The following MPPED1 variants were observed in gnomAD, a reference collection of about 807,000 sequenced individuals.
MPPED1 encodes the protein metallophosphoesterase domain-containing protein 1.
In MPPED1, 16 loss-of-function variants were observed where a neutral mutation model predicts 36.2. That is an observed-to-expected ratio of 0.44 (90% CI 0.30 to 0.67). MPPED1 has a LOEUF of 0.67. Among genes scored for constraint, MPPED1 ranks in the 30% least tolerant of loss-of-function variants. MPPED1 has a pLI of 0.10. For synonymous variants in MPPED1, 199 were observed against 191.3 expected (o/e 1.04, Z -0.33); for missense variants, 307 against 453.4 (o/e 0.68, Z 2.93).
At chr22:43,414,428 C>T (rs576207996) in intron 1 of MPPED1, among the ~76,000 whole-genome samples, 124 of 152,140 alleles carry the variant, frequency 8.2e-4, no homozygotes, top group Non-Finnish European at 1.6e-3. Flanking sequence ...CGGGTCTGGA[C>T]TTCTGGAAAA....
At position 43,502,876 on chromosome 22, in the gene MPPED1, T is replaced by A; in HGVS notation, c.862+119T>A. 1 of 811,980 alleles carries A rather than the reference T, an allele frequency of 1.2e-6. No individual in the cohort carries two copies. Among genetic ancestry groups the A allele is most frequent in the Non-Finnish European group, 2.1e-6 (1 of 480,014 alleles). 50.3% of individuals were successfully genotyped at this position (811,980 alleles called of 1,614,324 possible). On this transcript the variant is annotated intron_variant, in intron 6 of 6. Transcript: ENST00000443721. The surrounding 1 kb of genome is among the most constrained non-coding windows in gnomAD (Gnocchi z 5.5). ...AAATAGCCCATTCCTACTGTTCGCT[T>A]TGTAACTGCTAACTGCCATACACAC...
At chr22:43,438,825 A>G (rs1265852579) in intron 3 of MPPED1, among the ~76,000 whole-genome samples, 2 of 152,128 alleles carry the variant, frequency 1.3e-5, no homozygotes, top group African/African-American at 4.8e-5. Context: ...AAGGGCCTCC[A>G]TGAGCCCCTT....
intron 3 of MPPED1, among the ~76,000 whole-genome samples, chr22:43,437,223 T>C (rs1929992331): frequency 6.6e-6 from 1 of 152,358 alleles, no homozygotes; most frequent in African/African-American, 2.4e-5. Flanking sequence ...TTGGTGATCA[T>C]GGCTGAGAGA....
chr22:43,475,719 ATGG>A (rs1569082461), intron 4 of MPPED1, among the ~76,000 whole-genome samples: 2 of 124,054 alleles, frequency 1.6e-5, no homozygotes, highest in Non-Finnish European at 1.7e-5. Context: ...GATGGTGGTG[ATGG>A]TGATGATGAT....
At chr22:43,415,596 C>T (rs1356114406) in intron 1 of MPPED1, among the ~76,000 whole-genome samples, 1 of 152,130 alleles carries the variant, frequency 6.6e-6, no homozygotes, top group African/African-American at 2.4e-5. Context: ...ATGAATTACT[C>T]TGTGGGGGAT....
intron 3 of MPPED1, among the ~76,000 whole-genome samples, chr22:43,436,285 G>A (rs2146835677): frequency 6.6e-6 from 1 of 152,314 alleles, no homozygotes; most frequent in South Asian, 2.1e-4. Flanking sequence ...GTGCGGGGCC[G>A]CTCACCTTCC....
At chr22:43,460,206 AAAAAACAAAAAC>A (rs135033) in intron 3 of MPPED1, among the ~76,000 whole-genome samples, 2,628 of 128,948 alleles carry the variant, frequency 0.02, 113 homozygotes, top group African/African-American at 0.054. Context: ...ACTCCATCTC[AAAAAACAAAAAC>A]AAAAACAAAA....
intron 5 of MPPED1, among the ~76,000 whole-genome samples, chr22:43,498,793 C>G (rs1249879670): frequency 6.6e-6 from 1 of 151,914 alleles, no homozygotes; most frequent in African/African-American, 2.4e-5. Context: ...TCTCTCCTCT[C>G]TGCCCCCACC....
At chr22:43,501,366 C>A (rs1021115347) in intron 5 of MPPED1, among the ~76,000 whole-genome samples, 1 of 152,164 alleles carries the variant, frequency 6.6e-6, no homozygotes, top group Non-Finnish European at 1.5e-5. Flanking sequence ...TATCTTTCCT[C>A]CCCTCCTCCC....
intron 3 of MPPED1, among the ~76,000 whole-genome samples, chr22:43,467,397 A>G (rs549317812): frequency 7.2e-5 from 11 of 152,248 alleles, no homozygotes; most frequent in African/African-American, 2.7e-4. Context: ...TGGCCCAGAC[A>G]TCTGACTCCA....
At chr22:43,468,179 C>T (rs1006418985) in intron 3 of MPPED1, among the ~76,000 whole-genome samples, 3 of 152,198 alleles carry the variant, frequency 2.0e-5, no homozygotes, top group Admixed American at 6.5e-5. Flanking sequence ...AAGAAATCCA[C>T]GGCTAGCAAA....
At chr22:43,499,929 A>G (rs544779337) in intron 5 of MPPED1, among the ~76,000 whole-genome samples, 385 of 1,912 alleles carry the variant, frequency 0.2, no homozygotes, top group Admixed American at 0.24. Flanking sequence ...GGTGGTGGTG[A>G]TGGTGGAGGT....
At chr22:43,503,867 G>A (rs561486914) in intron 6 of MPPED1, among the ~76,000 whole-genome samples, 1 of 152,118 alleles carries the variant, frequency 6.6e-6, no homozygotes, top group South Asian at 2.1e-4. Context: ...CCAAAGAATA[G>A]GTCCTCACCC....
chr22:43,431,009 CTGT>C lies in MPPED1; in HGVS notation c.225-4017_225-4015del, dbSNP rs1375615657. ...CCCTCTTGTTCACTGTCTCTTTCTA[CTGT>C]TGTTGTTAATTTTTTTTTTTTTTTT... On this transcript the variant is annotated intron_variant, in intron 2 of 6. Coordinates refer to ENST00000443721, the MANE Select transcript of MPPED1 (RefSeq NM_001044370.2). 4.9e-5 allele frequency among the ~76,000 whole-genome samples: 6 copies of C among 122,456 alleles called. No homozygotes were observed. The East Asian group carries it at 1.2e-3, about 24-fold the overall frequency. The allele number at this position is 122,456 out of a possible 152,430, so 80.3% of individuals were successfully genotyped here.
At chr22:43,500,378 GGTGGTGATGGTGATGGAGGTGGTA>G (rs1932684821) in intron 5 of MPPED1, among the ~76,000 whole-genome samples, 1 of 151,274 alleles carries the variant, frequency 6.6e-6, no homozygotes, top group Non-Finnish European at 1.5e-5. Context: ...TGGGGGTGGT[GGTGGTGATGGTGATGGAGGTGGTA>G]GTGGTGGTGA....
chr22:43,461,081 T>C (rs1348969379), intron 3 of MPPED1, among the ~76,000 whole-genome samples: 1 of 152,194 alleles, frequency 6.6e-6, no homozygotes, highest in African/African-American at 2.4e-5. Context: ...AGACAAGTCC[T>C]GGCTGGGTGC....
At chr22:43,471,696 G>A (rs1001459681) in intron 3 of MPPED1, among the ~76,000 whole-genome samples, 1 of 152,234 alleles carries the variant, frequency 6.6e-6, no homozygotes, top group Non-Finnish European at 1.5e-5. Flanking sequence ...TCACTGGAGA[G>A]GGCTTCTCTG....
At chr22:43,468,805 G>C (rs1931262324) in intron 3 of MPPED1, among the ~76,000 whole-genome samples, 1 of 152,132 alleles carries the variant, frequency 6.6e-6, no homozygotes, top group Admixed American at 6.5e-5. Context: ...TCCAGCTTCA[G>C]GGAAGAAGGT....
chr22:43,445,790 G>A (rs1056315800), intron 3 of MPPED1, among the ~76,000 whole-genome samples: 25 of 151,206 alleles, frequency 1.7e-4, no homozygotes, highest in Non-Finnish European at 3.4e-4. Flanking sequence ...GGCTGGTCTC[G>A]AACTCCTGGG....
Sources: gnomAD v4.1 joint callset for allele counts (sites outside exome capture counted in the v4.1 genomes callset) on GRCh38, gnomAD v4.1.1 for gene constraint, Gnocchi (gnomAD v3.1) non-coding constraint, MANE v1.5 for transcripts, NCBI Gene and HGNC (gene_info 2026-07-23, HGNC 2026-07-21) for gene names.